The following KIAA0319L variants were observed in gnomAD, a reference collection of about 807,000 sequenced individuals.
KIAA0319L encodes the protein KIAA0319 like.
Under a neutral mutation model 120.1 loss-of-function variants are expected in KIAA0319L, and 55 were observed. That is an observed-to-expected ratio of 0.46 (90% CI 0.37 to 0.57). KIAA0319L has a LOEUF of 0.57. Ranked by LOEUF, KIAA0319L falls within the 20% of genes least tolerant of loss-of-function variation. The probability of loss-of-function intolerance (pLI) is 0.00; values close to 1 mark genes in which losing one functional copy is unlikely to be tolerated. For missense variants in KIAA0319L, 1,049 were observed against 1,255.3 expected, an observed-to-expected ratio of 0.84 and a Z score of 2.48; for synonymous variants, 398 against 471.9, an observed-to-expected ratio of 0.84 and a Z score of 2.03.
Position 35,506,456 on chromosome 1 carries a change from T to C in KIAA0319L, c.666+156A>G, listed in dbSNP as rs1481011680. Among the ~76,000 whole-genome samples the C allele has an allele frequency of 6.6e-6, 1 of 152,192 alleles. No homozygotes were observed. The highest frequency in any genetic ancestry group is 1.5e-5 in the Non-Finnish European group (1 of 68,030). On this transcript the variant is annotated intron_variant, in intron 3 of 20. Transcript: ENST00000325722. The surrounding 1 kb of genome is among the most constrained non-coding windows in gnomAD (Gnocchi z 4.0). ...CTAGGGTCAAATTACCCTTTGTACATCTGGGCAGCACCAAAGAAGCTGACA... is the reference window on the plus strand; with the variant it reads ...CTAGGGTCAAATTACCCTTTGTACACCTGGGCAGCACCAAAGAAGCTGACA...
At chr1:35,455,354 TTTTC>T (rs1294388637) in intron 10 of KIAA0319L, among the ~76,000 whole-genome samples, 3 of 152,222 alleles carry the variant, frequency 2.0e-5, no homozygotes, top group Admixed American at 1.3e-4. Context: ...CACCATCCAG[TTTTC>T]TTTCTTTATG....
At position 35,458,183 on chromosome 1, in the gene KIAA0319L, G is replaced by A. The variant is rs542562167; in HGVS notation, c.1428-1942C>T. Among the ~76,000 whole-genome samples, 20 of 152,200 alleles carry A rather than the reference G, an allele frequency of 1.3e-4. 1 individual carries two copies. The Middle Eastern group carries it at 0.01, about 78-fold the overall frequency. Reference sequence around the variant, plus strand: ...GATCTCCTGACCTCATGATCCACCCGCCTCAGCCTCCCAAAGTGATGGGAT... The same window carrying A: ...GATCTCCTGACCTCATGATCCACCCACCTCAGCCTCCCAAAGTGATGGGAT... On this transcript the variant is annotated intron_variant, in intron 9 of 20. Coordinates refer to ENST00000325722, the MANE Select transcript of KIAA0319L (RefSeq NM_024874.5).
At chr1:35,502,575 C>T (rs1450086148) in intron 3 of KIAA0319L, among the ~76,000 whole-genome samples, 1 of 152,080 alleles carries the variant, frequency 6.6e-6, no homozygotes, top group African/African-American at 2.4e-5. Flanking sequence ...CTTCTCCACT[C>T]TACCCCAGCA....
At chr1:35,445,782 A>G (rs1012182100) in intron 16 of KIAA0319L, among the ~76,000 whole-genome samples, 1 of 152,104 alleles carries the variant, frequency 6.6e-6, no homozygotes, top group Non-Finnish European at 1.5e-5. Flanking sequence ...TCTTCCAATC[A>G]CATGTTCTTC....
intron 2 of KIAA0319L, among the ~76,000 whole-genome samples, chr1:35,519,698 CTTT>C (rs2148439213): frequency 6.6e-6 from 1 of 152,266 alleles, no homozygotes; most frequent in African/African-American, 2.4e-5. Flanking sequence ...GAAAAGAACT[CTTT>C]TCAAAGTTCT....
chr1:35,457,894 C>A (rs1363375755), intron 9 of KIAA0319L, among the ~76,000 whole-genome samples: 4 of 152,196 alleles, frequency 2.6e-5, no homozygotes, highest in Non-Finnish European at 1.5e-5. Flanking sequence ...AGTTTTGCCT[C>A]TTTTCCTAGT....
At chr1:35,524,558 G>C (rs1646046889) in intron 2 of KIAA0319L, among the ~76,000 whole-genome samples, 1 of 152,144 alleles carries the variant, frequency 6.6e-6, no homozygotes, top group Non-Finnish European at 1.5e-5. Flanking sequence ...TGTACCTCTT[G>C]ACTGTTTTAT....
chr1:35,544,707 T>C (rs546474375), intron 2 of KIAA0319L, among the ~76,000 whole-genome samples: 4 of 152,300 alleles, frequency 2.6e-5, no homozygotes, highest in African/African-American at 4.8e-5. Flanking sequence ...TAAAATAGTT[T>C]CATGGAGTAG....
intron 5 of KIAA0319L, 131 bp downstream of exon 5, chr1:35,474,674 C>T (rs1202361582): frequency 5.2e-6 from 3 of 573,634 alleles, no homozygotes; most frequent in Non-Finnish European, 9.3e-6. Context: ...GCCAGTAGTT[C>T]CAGCTACTAG....
chr1:35,508,574 GC>G (rs1458340400), intron 2 of KIAA0319L, among the ~76,000 whole-genome samples: 1 of 151,728 alleles, frequency 6.6e-6, no homozygotes, highest in East Asian at 1.9e-4. Context: ...AATTTAGAAG[GC>G]CACAGAAAAT....
At chr1:35,503,321 T>C (rs879402222) in intron 3 of KIAA0319L, among the ~76,000 whole-genome samples, 2 of 152,350 alleles carry the variant, frequency 1.3e-5, no homozygotes, top group Non-Finnish European at 2.9e-5. Context: ...AGACTAATAC[T>C]GTACTCTGTG....
intron 2 of KIAA0319L, among the ~76,000 whole-genome samples, chr1:35,554,124 G>A (rs1647577883): frequency 6.6e-6 from 1 of 152,156 alleles, no homozygotes; most frequent in East Asian, 1.9e-4. Context: ...TCTTAAAACG[G>A]TTGTGCCAAT....
chr1:35,555,528 G>A (rs1647849986), intron 1 of KIAA0319L, among the ~76,000 whole-genome samples: 2 of 152,174 alleles, frequency 1.3e-5, no homozygotes, highest in Non-Finnish European at 2.9e-5. Context: ...GGACTTCATC[G>A]TTCTCATTCA....
At chr1:35,454,546 C>T in intron 10 of KIAA0319L, 61 bp from the exon 11 acceptor site, 4 of 1,597,334 alleles carry the variant, frequency 2.5e-6, no homozygotes, top group Non-Finnish European at 3.4e-6. Context: ...CACAATAATT[C>T]CGACTCTGGT....
At chr1:35,492,287 A>C (rs1343085071) in intron 3 of KIAA0319L, among the ~76,000 whole-genome samples, 1 of 152,152 alleles carries the variant, frequency 6.6e-6, no homozygotes, top group Non-Finnish European at 1.5e-5. Flanking sequence ...AAGCTGAGGC[A>C]GGTGGATCAC....
intron 2 of KIAA0319L, among the ~76,000 whole-genome samples, chr1:35,544,322 T>C (rs1428311231): frequency 1.3e-5 from 2 of 150,404 alleles, no homozygotes; most frequent in Admixed American, 6.6e-5. Flanking sequence ...TGAGCCAAGA[T>C]TGTGCCACTG....
At chr1:35,530,985 A>G (rs1269100819) in intron 2 of KIAA0319L, among the ~76,000 whole-genome samples, 3 of 152,158 alleles carry the variant, frequency 2.0e-5, no homozygotes, top group Non-Finnish European at 2.9e-5. Flanking sequence ...AGGGTGCGTG[A>G]AAGTGTGCAG....
chr1:35,436,360 T>G (rs1281980099), intron 20 of KIAA0319L, among the ~76,000 whole-genome samples: 1 of 152,222 alleles, frequency 6.6e-6, no homozygotes, highest in Non-Finnish European at 1.5e-5. Flanking sequence ...CCCGCGTTGG[T>G]GTCAGGGTTA....
rs555908690 is a variant in KIAA0319L at position 35,448,469 on chromosome 1, G to T, written c.2354-137C>A. The T allele has an allele frequency of 4.6e-6, 4 of 866,458 alleles. No individual in the cohort carries two copies. In the East Asian group the frequency reaches 1.0e-4, roughly 22 times the overall value. 53.7% of individuals were successfully genotyped at this position (866,458 alleles called of 1,614,324 possible). On this transcript the variant is annotated intron_variant, in intron 15 of 20. Transcript: ENST00000325722. ...CCTTCAAATGGAAAGGGACAATAGTGAATTCCTGATCGGGCAATCTGGGGC... is the reference window on the plus strand; with the variant it reads ...CCTTCAAATGGAAAGGGACAATAGTTAATTCCTGATCGGGCAATCTGGGGC...
Sources: allele counts gnomAD v4.1 joint callset (sites outside exome capture counted in the v4.1 genomes callset), GRCh38; gene constraint gnomAD v4.1.1; non-coding constraint Gnocchi (gnomAD v3.1); transcripts MANE v1.5; gene names NCBI Gene and HGNC (gene_info 2026-07-23, HGNC 2026-07-21).